The following TENM2 variants were observed in gnomAD, a reference collection of about 807,000 sequenced individuals.
TENM2 encodes teneurin transmembrane protein 2.
A neutral mutation model predicts 245.2 loss-of-function variants in TENM2; 52 were observed. The observed-to-expected ratio is 0.21, with a 90% CI of 0.17 to 0.27. The LOEUF is 0.27. Ranked by LOEUF, TENM2 falls within the 10% of genes least tolerant of loss-of-function variation. TENM2 has a pLI of 1.00. For missense variants in TENM2, 3,046 were observed against 3,666.8 expected (o/e 0.83, Z 4.37); for synonymous variants, 1,363 against 1,438.9 (o/e 0.95, Z 1.19).
chr5:167,464,643 T>C (rs1209237960), intron 2 of TENM2, among the ~76,000 whole-genome samples: 1 of 152,128 alleles, frequency 6.6e-6, no homozygotes, highest in African/African-American at 2.4e-5. Context: ...ATAAATGCAC[T>C]CACCTCAGCA....
At chr5:167,452,160 AT>A (rs1192539799) in intron 2 of TENM2, among the ~76,000 whole-genome samples, 1 of 152,210 alleles carries the variant, frequency 6.6e-6, no homozygotes, top group Non-Finnish European at 1.5e-5. Flanking sequence ...ATTGGCTCAA[AT>A]CAGCTATGTA....
intron 6 of TENM2, among the ~76,000 whole-genome samples, chr5:168,052,000 C>T (rs533294061): frequency 3.3e-5 from 5 of 152,284 alleles, no homozygotes; most frequent in Non-Finnish European, 7.3e-5. Context: ...TGGCTCACGC[C>T]TGTAATCCCA....
chr5:168,127,089 G>C (rs1014823005), intron 12 of TENM2, 123 bp downstream of exon 14: 1 of 859,294 alleles, frequency 1.2e-6, no homozygotes, highest in African/African-American at 1.7e-5. Context: ...AAATCTCCCA[G>C]GGGATAGGGA....
intron 2 of TENM2, among the ~76,000 whole-genome samples, chr5:167,648,430 C>G (rs1780109827): frequency 6.6e-6 from 1 of 152,182 alleles, no homozygotes; most frequent in African/African-American, 2.4e-5. Flanking sequence ...CTCAGTTTTT[C>G]TTTACCACAG....
chr5:167,620,119 C>T (rs879099919), intron 2 of TENM2, among the ~76,000 whole-genome samples: 19 of 151,988 alleles, frequency 1.3e-4, no homozygotes, highest in South Asian at 8.3e-4. Context: ...AATAGTCGGC[C>T]GTGTGGTTAG....
intron 2 of TENM2, among the ~76,000 whole-genome samples, chr5:167,459,545 G>A (rs1244567457): frequency 1.3e-5 from 2 of 152,196 alleles, no homozygotes; most frequent in African/African-American, 4.8e-5. Flanking sequence ...TATGTTATCA[G>A]TGAATTGAGG....
the TENM2 span, among the ~76,000 whole-genome samples, chr5:167,108,721 C>T: frequency 1.3e-5 from 2 of 152,198 alleles, no homozygotes; most frequent in South Asian, 2.1e-4. Context: ...ACAAAAGCAC[C>T]ATTCCCATAT....
At chr5:168,114,456 G>C (rs1794908901) in intron 9 of TENM2, among the ~76,000 whole-genome samples, 1 of 152,162 alleles carries the variant, frequency 6.6e-6, no homozygotes, top group Non-Finnish European at 1.5e-5. Flanking sequence ...TATTAATACA[G>C]GAGGTTCCCC....
At chr5:167,373,865 C>G (rs1156967461) in intron 1 of TENM2, among the ~76,000 whole-genome samples, 1 of 152,198 alleles carries the variant, frequency 6.6e-6, no homozygotes, top group African/African-American at 2.4e-5. Context: ...CTAAAGGTAT[C>G]TGGCCCATTT....
At chr5:167,732,801 A>G (rs1241453333) in intron 2 of TENM2, among the ~76,000 whole-genome samples, 3 of 152,208 alleles carry the variant, frequency 2.0e-5, no homozygotes, top group Admixed American at 2.0e-4. Context: ...CAGACCATAG[A>G]TGTGCCAAAT....
At chr5:168,202,447 C>T (rs1762013595) in intron 17 of TENM2, among the ~76,000 whole-genome samples, 1 of 151,058 alleles carries the variant, frequency 6.6e-6, no homozygotes, top group Non-Finnish European at 1.5e-5. Flanking sequence ...CAGTGGGCAC[C>T]TTTTCAAGCT....
intron 12 of TENM2, among the ~76,000 whole-genome samples, chr5:168,127,244 G>A (rs1226081606): frequency 1.3e-5 from 2 of 152,222 alleles, no homozygotes; most frequent in Non-Finnish European, 2.9e-5. Flanking sequence ...ATGGGAAACT[G>A]TCGGTGTCTG....
intron 2 of TENM2, among the ~76,000 whole-genome samples, chr5:167,407,654 C>T (rs1561930649): frequency 6.6e-6 from 1 of 152,028 alleles, no homozygotes. Flanking sequence ...CCCATCTCTA[C>T]TAAAAATACA....
At chr5:167,693,614 A>C (rs279409) in intron 2 of TENM2, among the ~76,000 whole-genome samples, 60,991 of 143,628 alleles carry the variant, frequency 0.42, 15,103 homozygotes, top group East Asian at 0.91. Context: ...TGTTACCTAA[A>C]TTTTAAGAAA....
At chr5:167,037,543 A>G in the TENM2 span, among the ~76,000 whole-genome samples, 2 of 152,176 alleles carry the variant, frequency 1.3e-5, no homozygotes, top group African/African-American at 4.8e-5. Flanking sequence ...TACTACAGAG[A>G]GAGTTATACT....
At chr5:167,093,739 G>T in the TENM2 span, among the ~76,000 whole-genome samples, 1 of 152,164 alleles carries the variant, frequency 6.6e-6, no homozygotes, top group Non-Finnish European at 1.5e-5. Flanking sequence ...GACTCCTTAG[G>T]CTTCCAGAAC....
At chr5:168,198,910 G>A (rs898480081) in exon 16 of TENM2, 13 of 1,613,896 alleles carry the variant, frequency 8.1e-6, no homozygotes, top group African/African-American at 5.3e-5. Context: ...AGCGAGCCCC[G>A]TTCATGAGCC....
intron 2 of TENM2, among the ~76,000 whole-genome samples, chr5:167,637,178 T>C (rs1779256182): frequency 6.6e-6 from 1 of 152,222 alleles, no homozygotes; most frequent in African/African-American, 2.4e-5. Flanking sequence ...GTGTTTGCTA[T>C]CACTATGATT....
the TENM2 span, among the ~76,000 whole-genome samples, chr5:167,134,982 C>A: frequency 2.6e-5 from 4 of 152,204 alleles, no homozygotes; most frequent in Non-Finnish European, 5.9e-5. Context: ...TAGCCTTATT[C>A]ATTAATACAA....
Sources: gnomAD v4.1 joint callset for allele counts (sites outside exome capture counted in the v4.1 genomes callset) on GRCh38, gnomAD v4.1.1 for gene constraint, MANE v1.5 for transcripts, NCBI Gene and HGNC (gene_info 2026-07-23, HGNC 2026-07-21) for gene names.